GRB14: variants seen among roughly 807,000 people sequenced by gnomAD.
GRB14 encodes the protein growth factor receptor bound protein 14, also known as growth factor receptor-bound protein 14.
In GRB14, 38 loss-of-function variants were observed where a neutral mutation model predicts 69.1. That is an observed-to-expected ratio of 0.55 (90% CI 0.42 to 0.72). The LOEUF (loss-of-function observed/expected upper bound fraction) is 0.72, where lower values mean the gene tolerates loss of function less well. Ranked by LOEUF, GRB14 falls within the 30% of genes least tolerant of loss-of-function variation. The probability of loss-of-function intolerance (pLI) is 0.00; values close to 1 mark genes in which losing one functional copy is unlikely to be tolerated. For missense variants in GRB14, 666 were observed against 666.1 expected, an observed-to-expected ratio of 1.00 and a Z score of 0.00; for synonymous variants, 247 against 241.3, an observed-to-expected ratio of 1.02 and a Z score of -0.22.
intron 1 of GRB14, among the ~76,000 whole-genome samples, chr2:164,620,235 T>G (rs937698761): frequency 1.3e-5 from 2 of 152,198 alleles, no homozygotes; most frequent in African/African-American, 4.8e-5. Flanking sequence ...TCCATGATAT[T>G]GACAGTCTCT....
chr2:164,611,389 A>T (rs2105359764), intron 2 of GRB14, among the ~76,000 whole-genome samples: 1 of 152,256 alleles, frequency 6.6e-6, no homozygotes, highest in South Asian at 2.1e-4. Flanking sequence ...ATGTATATAG[A>T]TTCAAGCCTA....
At chr2:164,537,330 T>C (rs1009041523) in intron 3 of GRB14, among the ~76,000 whole-genome samples, 60 of 152,178 alleles carry the variant, frequency 3.9e-4, no homozygotes, top group African/African-American at 1.4e-3. Flanking sequence ...GGAAGATACA[T>C]AGCAGTTAGC....
intron 2 of GRB14, among the ~76,000 whole-genome samples, chr2:164,583,625 A>C (rs1211382748): frequency 6.6e-6 from 1 of 152,226 alleles, no homozygotes; most frequent in Admixed American, 6.5e-5. Flanking sequence ...GTATAACTAC[A>C]AGGTAATAGA....
chr2:164,579,570 A>G (rs1178131910), intron 2 of GRB14, among the ~76,000 whole-genome samples: 1 of 151,990 alleles, frequency 6.6e-6, no homozygotes, highest in Non-Finnish European at 1.5e-5. Context: ...AGACATCAAA[A>G]TTAACCTGAC....
intron 2 of GRB14, among the ~76,000 whole-genome samples, chr2:164,570,180 G>A (rs116486639): frequency 0.067 from 10,155 of 151,126 alleles, 464 homozygotes; most frequent in Non-Finnish European, 0.11. Flanking sequence ...AAGGCTGAGA[G>A]GCAGGAGAAT....
chr2:164,536,288 T>A (rs899786392), intron 3 of GRB14, among the ~76,000 whole-genome samples: 3 of 152,196 alleles, frequency 2.0e-5, no homozygotes, highest in African/African-American at 7.2e-5. Flanking sequence ...AATAATTTGA[T>A]CACTGTTAAG....
chr2:164,508,201 C>T (rs1389372874), intron 8 of GRB14, among the ~76,000 whole-genome samples: 3 of 152,152 alleles, frequency 2.0e-5, no homozygotes, highest in African/African-American at 7.2e-5. Context: ...AATACCTTCA[C>T]AAAAGTGAAA....
chr2:164,500,316 T>C (rs1687016867), intron 9 of GRB14, among the ~76,000 whole-genome samples: 1 of 152,132 alleles, frequency 6.6e-6, no homozygotes, highest in South Asian at 2.1e-4. Context: ...AGATGTTCAT[T>C]ATGGTTTGAG....
At chr2:164,523,247 A>G (rs545505564) in intron 5 of GRB14, among the ~76,000 whole-genome samples, 13 of 152,112 alleles carry the variant, frequency 8.5e-5, no homozygotes, top group Non-Finnish European at 1.5e-4. Flanking sequence ...CAAAATGTAA[A>G]TGGATACTTT....
At chr2:164,493,885 T>C (rs181508077) in intron 13 of GRB14, among the ~76,000 whole-genome samples, 11 of 152,130 alleles carry the variant, frequency 7.2e-5, no homozygotes, top group African/African-American at 2.4e-4. Context: ...CATACATACA[T>C]GCACACCCAC....
At chr2:164,595,003 A>G (rs1376494330) in intron 2 of GRB14, among the ~76,000 whole-genome samples, 1 of 152,176 alleles carries the variant, frequency 6.6e-6, no homozygotes, top group Non-Finnish European at 1.5e-5. Context: ...CCTTTAAATC[A>G]GACAATATTA....
intron 2 of GRB14, among the ~76,000 whole-genome samples, chr2:164,579,854 C>G (rs1689352748): frequency 6.6e-6 from 1 of 152,030 alleles, no homozygotes; most frequent in Admixed American, 6.6e-5. Flanking sequence ...AACAAGAGAA[C>G]AGAGGAGATC....
intron 2 of GRB14, among the ~76,000 whole-genome samples, chr2:164,575,500 A>T (rs2105333685): frequency 6.6e-6 from 1 of 152,278 alleles, no homozygotes; most frequent in East Asian, 1.9e-4. Flanking sequence ...TCAATATGAA[A>T]ATATGAATGA....
At chr2:164,495,457 C>T (rs563142838) in intron 12 of GRB14, among the ~76,000 whole-genome samples, 1 of 152,188 alleles carries the variant, frequency 6.6e-6, no homozygotes, top group African/African-American at 2.4e-5. Flanking sequence ...AGCAGAAAAG[C>T]CTCTATAATG....
chr2:164,520,291 T>C (rs1478520843), intron 6 of GRB14, among the ~76,000 whole-genome samples: 1 of 152,062 alleles, frequency 6.6e-6, no homozygotes, highest in East Asian at 1.9e-4. Flanking sequence ...GCTGGGATAA[T>C]TGGCAAGTCA....
intron 2 of GRB14, chr2:164,568,525 C>G (rs755238233): frequency 8.6e-6 from 9 of 1,043,638 alleles, no homozygotes; most frequent in Non-Finnish European, 9.4e-6. Flanking sequence ...TGATTCCAAT[C>G]TACCCAAAGC....
intron 9 of GRB14, among the ~76,000 whole-genome samples, chr2:164,498,252 T>C (rs530178075): frequency 2.0e-5 from 3 of 152,290 alleles, no homozygotes; most frequent in South Asian, 2.1e-4. Flanking sequence ...TAAGAACTGA[T>C]AGAAGGCAAC....
chr2:164,556,579 CCTT>C (rs1422632675), intron 2 of GRB14, among the ~76,000 whole-genome samples: 1 of 152,104 alleles, frequency 6.6e-6, no homozygotes, highest in Non-Finnish European at 1.5e-5. Flanking sequence ...AAGTCATGCT[CCTT>C]CTCAACACAG....
At chr2:164,615,993 G>A (rs1690282606) in intron 2 of GRB14, among the ~76,000 whole-genome samples, 1 of 152,144 alleles carries the variant, frequency 6.6e-6, no homozygotes, top group South Asian at 2.1e-4. Flanking sequence ...CATAATGGAA[G>A]TCACTTTTAA....
Sources: allele counts gnomAD v4.1 joint callset (sites outside exome capture counted in the v4.1 genomes callset), GRCh38; gene constraint gnomAD v4.1.1; transcripts MANE v1.5; gene names NCBI Gene and HGNC (gene_info 2026-07-23, HGNC 2026-07-21).